Variants in KCNT2 observed in about 807,000 individuals in gnomAD.
KCNT2 encodes potassium channel subfamily T member 2.
A neutral mutation model predicts 153.8 loss-of-function variants in KCNT2; 67 were observed. The ratio of observed to expected loss-of-function variants is 0.44; its 90% CI spans 0.36 to 0.53. KCNT2 has a LOEUF of 0.53. Ranked by LOEUF, KCNT2 falls within the 20% of genes least tolerant of loss-of-function variation. The pLI is 0.00. For synonymous variants in KCNT2, 500 were observed against 458.8 expected (o/e 1.09, Z -1.15); for missense variants, 975 against 1,354.8 (o/e 0.72, Z 4.40).
At chr1:196,301,841 G>A (rs747574216) in intron 22 of KCNT2, among the ~76,000 whole-genome samples, 4 of 152,150 alleles carry the variant, frequency 2.6e-5, no homozygotes, top group Non-Finnish European at 4.4e-5. Context: ...CTGGATTCAA[G>A]CGATTCTCAT....
At chr1:196,368,797 T>C (rs926243351) in intron 14 of KCNT2, among the ~76,000 whole-genome samples, 5 of 152,184 alleles carry the variant, frequency 3.3e-5, no homozygotes, top group Admixed American at 3.3e-4. Context: ...TTCACATTTG[T>C]GAGCCTGACT....
chr1:196,373,190 G>A lies in KCNT2; in HGVS notation c.1353C>T (p.Cys451=), dbSNP rs1668677908. The change falls in exon 14 of 28, where the codon TGC becomes TGT. Residue 451 remains cysteine (C), a synonymous_variant. Transcript: ENST00000294725. ...GTGTAATAAGTGTAGATGTTGCTGGGCATATACAGTTTAAAGCTAACATGG... is the reference window on the plus strand; with the variant it reads ...GTGTAATAAGTGTAGATGTTGCTGGACATATACAGTTTAAAGCTAACATGG... ...KYAMLALNCI[C]PATSTLITLL... is the part of the protein sequence containing the mutation. 1 of 1,589,518 alleles carries A rather than the reference G, an allele frequency of 6.3e-7. No individual in the cohort carries two copies. The highest frequency in any genetic ancestry group is 8.6e-7 in the Non-Finnish European group (1 of 1,159,570).
At chr1:196,607,935 A>G (rs1665500708) in intron 1 of KCNT2, among the ~76,000 whole-genome samples, 1 of 152,242 alleles carries the variant, frequency 6.6e-6, no homozygotes, top group Non-Finnish European at 1.5e-5. Flanking sequence ...TACACATCCT[A>G]GAAAAGCACA....
intron 26 of KCNT2, chr1:196,257,308 C>T (rs1656599918): frequency 2.0e-6 from 2 of 982,984 alleles, no homozygotes; most frequent in Non-Finnish European, 2.4e-6. Context: ...TTCTCTTAAA[C>T]TCTAATTCAA....
chr1:196,377,932 C>G lies in KCNT2; in HGVS notation c.1295-4684G>C, dbSNP rs1436295157. ...TTTCAGATGATACCAAGGTATCCAC[C>G]ATTGCAAGAAAGATGGTGATATGGA... is the stretch of plus-strand genomic sequence containing the variant. On this transcript the variant is annotated intron_variant, in intron 13 of 27. Coordinates refer to ENST00000294725, the MANE Select transcript of KCNT2 (RefSeq NM_198503.5). 2.6e-5 allele frequency among the ~76,000 whole-genome samples: 4 copies of G among 151,980 alleles called. No individual in the cohort carries two copies. The East Asian group carries it at 5.8e-4, about 22-fold the overall frequency.
intron 1 of KCNT2, among the ~76,000 whole-genome samples, chr1:196,550,389 T>A (rs1657737762): frequency 6.6e-6 from 1 of 151,902 alleles, no homozygotes; most frequent in African/African-American, 2.4e-5. Flanking sequence ...ATACACAGAA[T>A]GAAGATTTCT....
chr1:196,445,766 C>T (rs562492240), intron 8 of KCNT2, among the ~76,000 whole-genome samples: 1 of 151,304 alleles, frequency 6.6e-6, no homozygotes, highest in South Asian at 2.1e-4. Flanking sequence ...CAAACATAAC[C>T]ATATGTGAGT....
At chr1:196,336,994 AGACTTCATT>A (rs200007069) in intron 16 of KCNT2, among the ~76,000 whole-genome samples, 7,525 of 152,200 alleles carry the variant, frequency 0.049, 274 homozygotes, top group Non-Finnish European at 0.071. Context: ...ATTTCCTCAA[AGACTTCATT>A]TGGTCTTATG....
intron 1 of KCNT2, among the ~76,000 whole-genome samples, chr1:196,535,097 T>C (rs1037644146): frequency 1.3e-5 from 2 of 152,354 alleles, no homozygotes; most frequent in Admixed American, 6.5e-5. Context: ...TTCTCAGTCA[T>C]ACTTTAATTT....
intron 12 of KCNT2, 51 bp from the exon 13 acceptor site, chr1:196,398,722 C>T (rs1671162845): frequency 1.0e-6 from 1 of 955,380 alleles, no homozygotes; most frequent in Non-Finnish European, 1.6e-6. Flanking sequence ...ATGTTTATAA[C>T]ATATAAAGTA....
intron 8 of KCNT2, among the ~76,000 whole-genome samples, chr1:196,439,733 G>A (rs1675055194): frequency 6.6e-6 from 1 of 151,966 alleles, no homozygotes; most frequent in Admixed American, 6.6e-5. Context: ...CCTGTAGCAA[G>A]CCATTTCTTA....
chr1:196,477,785 A>C (rs2148693235), intron 5 of KCNT2, among the ~76,000 whole-genome samples: 1 of 152,140 alleles, frequency 6.6e-6, no homozygotes, highest in South Asian at 2.1e-4. Context: ...TTCCTCCAAA[A>C]CCCTGAATTT....
At chr1:196,511,065 G>T (rs1449079383) in intron 1 of KCNT2, among the ~76,000 whole-genome samples, 2 of 149,458 alleles carry the variant, frequency 1.3e-5, no homozygotes, top group Non-Finnish European at 3.0e-5. Flanking sequence ...CACCCTAAAG[G>T]AAGCACCTAA....
intron 1 of KCNT2, among the ~76,000 whole-genome samples, chr1:196,513,957 G>T (rs1681846382): frequency 6.6e-6 from 1 of 152,272 alleles, no homozygotes; most frequent in South Asian, 2.1e-4. Flanking sequence ...TACGCTTAGT[G>T]CTTTGCAAGA....
At chr1:196,549,005 TGGGGTG>T (rs1657525615) in intron 1 of KCNT2, among the ~76,000 whole-genome samples, 1 of 95,162 alleles carries the variant, frequency 1.1e-5, no homozygotes. Flanking sequence ...GGGACTGTTG[TGGGGTG>T]GGGGAGGGAG....
chr1:196,244,084 C>T (rs1221433383), intron 26 of KCNT2, among the ~76,000 whole-genome samples: 2 of 152,094 alleles, frequency 1.3e-5, no homozygotes, highest in African/African-American at 4.8e-5. Context: ...TCTAGACATA[C>T]CCTCGGCCAG....
chr1:196,403,549 A>G (rs1028945734), intron 12 of KCNT2, among the ~76,000 whole-genome samples: 1 of 151,666 alleles, frequency 6.6e-6, no homozygotes, highest in African/African-American at 2.4e-5. Context: ...AATGTAAACT[A>G]TGGGTTTTAG....
At chr1:196,232,395 C>G (rs1355233000) in intron 27 of KCNT2, among the ~76,000 whole-genome samples, 1 of 151,644 alleles carries the variant, frequency 6.6e-6, no homozygotes, top group African/African-American at 2.4e-5. Flanking sequence ...GATGCAGTAG[C>G]AAAAGTTCCT....
chr1:196,296,573 A>C (rs1171607985), intron 22 of KCNT2, among the ~76,000 whole-genome samples: 1 of 152,094 alleles, frequency 6.6e-6, no homozygotes, highest in Non-Finnish European at 1.5e-5. Context: ...GCCTGTATCC[A>C]ATTAGTTCAA....
Sources: allele counts gnomAD v4.1 joint callset (sites outside exome capture counted in the v4.1 genomes callset), GRCh38; gene constraint gnomAD v4.1.1; transcripts MANE v1.5; gene names NCBI Gene and HGNC (gene_info 2026-07-23, HGNC 2026-07-21).